Variants in PCLO observed in about 807,000 individuals in gnomAD.
PCLO encodes piccolo presynaptic cytomatrix protein, also known as protein piccolo.
Under a neutral mutation model 427.5 loss-of-function variants are expected in PCLO, and 82 were observed. That is an observed-to-expected ratio of 0.19 (90% CI 0.16 to 0.23). The LOEUF (loss-of-function observed/expected upper bound fraction) is 0.23, where lower values mean the gene tolerates loss of function less well. Among genes scored for constraint, PCLO ranks in the 10% least tolerant of loss-of-function variants. PCLO has a pLI of 1.00. For synonymous variants in PCLO, 2,357 were observed against 2,155.4 expected, an observed-to-expected ratio of 1.09 and a Z score of -2.59; for missense variants, 6,239 against 6,115.9, an observed-to-expected ratio of 1.02 and a Z score of -0.67.
chr7:82,915,502 C>T lies in PCLO; in HGVS notation c.12484G>A (p.Glu4162Lys), dbSNP rs1489374286. 1 of 1,613,712 alleles carries T rather than the reference C, an allele frequency of 6.2e-7. No homozygotes were observed. The highest frequency in any genetic ancestry group is 1.1e-5 in the South Asian group (1 of 91,076). ...DTSYRHFPKS[E>K]KYSISRLTLE... ...GTGAGTCTACTGATGCTATACTTCT[C>T]AGATTTTGGAAAATGTCTGTAGCTA... The change falls in exon 7 of 25, where the codon GAG becomes AAG. Residue 4162 changes from glutamate to lysine, a missense_variant. Glu to Lys is a moderately conservative substitution (Grantham distance 56). Transcript: ENST00000333891.
At chr7:82,816,975 T>C (rs1791691026) in intron 20 of PCLO, among the ~76,000 whole-genome samples, 1 of 152,184 alleles carries the variant, frequency 6.6e-6, no homozygotes, top group Admixed American at 6.6e-5. Context: ...GCAGAGGTAT[T>C]TCCAGCAATA....
intron 4 of PCLO, among the ~76,000 whole-genome samples, chr7:82,960,741 A>C (rs780349795): frequency 6.6e-6 from 1 of 152,208 alleles, no homozygotes; most frequent in Non-Finnish European, 1.5e-5. Context: ...GCAACAAAGA[A>C]ATGTAAACAA....
intron 15 of PCLO, among the ~76,000 whole-genome samples, chr7:82,836,150 A>G (rs1451085796): frequency 6.6e-6 from 1 of 152,154 alleles, no homozygotes; most frequent in Non-Finnish European, 1.5e-5. Context: ...TAAGTTTGTA[A>G]CATTCTAATT....
At chr7:82,876,453 T>TGTACACACAC (rs1793372358) in intron 10 of PCLO, among the ~76,000 whole-genome samples, 1 of 60,446 alleles carries the variant, frequency 1.7e-5, no homozygotes, top group African/African-American at 1.3e-4. Flanking sequence ...CAAAAACAAG[T>TGTACACACAC]ATACACACAC....
chr7:82,997,237 C>G (rs1273172949), intron 3 of PCLO, among the ~76,000 whole-genome samples: 4 of 151,836 alleles, frequency 2.6e-5, no homozygotes. Flanking sequence ...AGGATATCAA[C>G]AGTCTCTTAA....
In PCLO at chr7:83,134,237, AT is replaced by A. The variant is rs751633345; in HGVS notation, c.3300+12del. ...ATATGTAATATATATATATATATAT[AT>A]ATATAACTTACCTCAGTCAAATGTG... On this transcript the variant is annotated intron_variant, in intron 3 of 24. Coordinates refer to ENST00000333891, the MANE Select transcript of PCLO (RefSeq NM_033026.6). 29 of 938,152 alleles carry A rather than the reference AT, an allele frequency of 3.1e-5. 1 individual carries two copies. The highest frequency in any genetic ancestry group is 3.3e-4 in the Middle Eastern group (1 of 3,038). 58.1% of individuals were successfully genotyped at this position (938,152 alleles called of 1,614,324 possible). A position where few individuals can be genotyped will look rare whatever the true frequency, so the allele number is the denominator to read the frequency against.
intron 21 of PCLO, among the ~76,000 whole-genome samples, chr7:82,805,296 A>C (rs529056450): frequency 1.2e-4 from 19 of 152,270 alleles, no homozygotes; most frequent in South Asian, 4.1e-4. Flanking sequence ...GATTCTTTGA[A>C]TATGTTTAAA....
chr7:82,930,586 C>A (rs1347197963), intron 6 of PCLO, among the ~76,000 whole-genome samples: 1 of 152,072 alleles, frequency 6.6e-6, no homozygotes. Context: ...AAAGTAGAAA[C>A]TAATGTTCAA....
Position 82,841,454 on chromosome 7 carries a change from C to T in PCLO, c.14097+5G>A. 6.3e-7 allele frequency: 1 copy of T among 1,593,504 alleles called. No individual in the cohort carries two copies. Among genetic ancestry groups the T allele is most frequent in the East Asian group, 2.2e-5 (1 of 44,526 alleles). On this transcript the variant is annotated splice_donor_5th_base_variant and intron_variant, in intron 14 of 24. Transcript: ENST00000333891. ...ATAATGGCGACTTTTTAAAAAACTT[C>T]ATACCTGAATTTCTCCTGTAATTGG...
intron 10 of PCLO, among the ~76,000 whole-genome samples, chr7:82,850,079 G>A (rs779538735): frequency 7.9e-5 from 12 of 151,980 alleles, no homozygotes; most frequent in Admixed American, 2.6e-4. Flanking sequence ...CACAATCTTG[G>A]CTCACTGCAA....
chr7:82,934,157 C>G (rs988006185), intron 6 of PCLO, among the ~76,000 whole-genome samples: 9 of 151,688 alleles, frequency 5.9e-5, no homozygotes, highest in Admixed American at 2.0e-4. Flanking sequence ...GCAGAGATGA[C>G]CAGTTTATGA....
intron 3 of PCLO, among the ~76,000 whole-genome samples, chr7:83,123,646 A>C (rs1043732877): frequency 1.3e-5 from 2 of 152,158 alleles, no homozygotes; most frequent in African/African-American, 4.8e-5. Context: ...AAGTTAAAAA[A>C]CTTCTTCACA....
At chr7:82,899,420 T>C (rs1793986840) in intron 9 of PCLO, among the ~76,000 whole-genome samples, 1 of 151,496 alleles carries the variant, frequency 6.6e-6, no homozygotes, top group South Asian at 2.1e-4. Flanking sequence ...CATATGTAGA[T>C]GTATTTACAA....
In PCLO at chr7:82,953,897, C is replaced by A. The variant is rs267601596; in HGVS notation, c.7056G>T (p.Met2352Ile). 6 of 1,613,792 alleles carry A rather than the reference C, an allele frequency of 3.7e-6. No individual in the cohort carries two copies. The highest frequency in any genetic ancestry group is 4.2e-6 in the Non-Finnish European group (5 of 1,179,848). The change falls in exon 5 of 25, where the codon ATG becomes ATT. Residue 2352 changes from methionine to isoleucine, a missense_variant. Around this residue, in one of 5 missense-constraint regions of PCLO, gnomAD observed 4,677 missense variants for 4,468.4 expected, o/e 1.05. Transcript: ENST00000333891. ...HPPSSVIALP[M>I]KEQLSTTYFT... The stretch of plus-strand genomic sequence containing the variant: ...AGTATGTAGTTGAAAGCTGCTCTTT[C>A]ATTGGAAGGGCTATTACAGAAGAAG...
intron 3 of PCLO, among the ~76,000 whole-genome samples, chr7:83,006,912 A>T (rs1309050642): frequency 2.0e-5 from 3 of 151,356 alleles, no homozygotes; most frequent in Non-Finnish European, 4.4e-5. Context: ...TCTCCCTTAT[A>T]CTGGTATGCT....
rs1215561620 is a variant in PCLO at position 82,838,204 on chromosome 7, TTAA to T, written c.14222+11_14222+13del. On this transcript the variant is annotated intron_variant, in intron 15 of 24. Coordinates refer to ENST00000333891, the MANE Select transcript of PCLO (RefSeq NM_033026.6). ...TTTAAAGCATGAGATGAAGTACTTC[TTAA>T]TTTTACTTACCCTCTCCCTGGAAGA... The T allele has an allele frequency of 3.8e-6, 6 of 1,586,024 alleles. No homozygotes were observed. The highest frequency in any genetic ancestry group is 5.2e-6 in the Non-Finnish European group (6 of 1,160,264).
intron 2 of PCLO, 58 bp downstream of exon 2, chr7:83,154,690 T>G: frequency 8.1e-7 from 1 of 1,227,834 alleles, no homozygotes; most frequent in Non-Finnish European, 1.2e-6. Flanking sequence ...TTAAGCATCA[T>G]TTGTATAAGA....
intron 20 of PCLO, among the ~76,000 whole-genome samples, chr7:82,806,368 C>T (rs763850192): frequency 3.3e-5 from 5 of 152,126 alleles, no homozygotes; most frequent in Admixed American, 6.5e-5. Flanking sequence ...CTACTATCTC[C>T]AGCAAGGTTT....
At chr7:83,061,363 C>T (rs1789538739) in intron 3 of PCLO, among the ~76,000 whole-genome samples, 1 of 152,216 alleles carries the variant, frequency 6.6e-6, no homozygotes, top group Middle Eastern at 3.4e-3. Context: ...TGCTCCTGTT[C>T]TTTGTCTTTA....
Sources: gnomAD v4.1 joint callset for allele counts (sites outside exome capture counted in the v4.1 genomes callset) on GRCh38, gnomAD v4.1.1 for gene constraint, gnomAD v4.1.1 regional missense constraint, MANE v1.5 for transcripts, NCBI Gene and HGNC (gene_info 2026-07-23, HGNC 2026-07-21) for gene names.